VAC14: variants seen among roughly 807,000 people sequenced by gnomAD.
VAC14 encodes the protein VAC14 component of PIKFYVE complex, also known as protein VAC14 homolog.
VAC14 carries 47 observed loss-of-function variants against 85.3 expected under a neutral mutation model. The observed-to-expected ratio is 0.55, with a 90% CI of 0.44 to 0.70. The LOEUF (loss-of-function observed/expected upper bound fraction) is 0.70, where lower values mean the gene tolerates loss of function less well. Ranked by LOEUF, VAC14 falls within the 30% of genes least tolerant of loss-of-function variation. VAC14 has a pLI of 0.00. For missense variants in VAC14, 861 were observed against 1,004.3 expected (o/e 0.86, Z 1.93); for synonymous variants, 447 against 430.5 (o/e 1.04, Z -0.47).
chr16:70,788,694 G>A (rs1003500218), intron 1 of VAC14, among the ~76,000 whole-genome samples: 4 of 152,242 alleles, frequency 2.6e-5, no homozygotes, highest in South Asian at 2.1e-4. Context: ...AACAGCTGGA[G>A]CATTGGTGGT....
intron 17 of VAC14, among the ~76,000 whole-genome samples, chr16:70,695,155 A>G (rs2053680573): frequency 6.9e-6 from 1 of 144,776 alleles, no homozygotes; most frequent in African/African-American, 2.6e-5. Context: ...TCTGTCACCC[A>G]GGCTGGAGTG....
chr16:70,771,998 C>T, intron 10 of VAC14, 111 bp downstream of exon 10: 3 of 971,054 alleles, frequency 3.1e-6, no homozygotes, highest in Non-Finnish European at 4.8e-6. Context: ...GTCCCAAAAG[C>T]AGCAGCCGCG....
chr16:70,692,469 C>A (rs759115139), intron 18 of VAC14, among the ~76,000 whole-genome samples: 11 of 152,260 alleles, frequency 7.2e-5, no homozygotes, highest in Admixed American at 2.6e-4. Context: ...AGGAACTCCT[C>A]CCCCTGCCCG....
intron 12 of VAC14, among the ~76,000 whole-genome samples, chr16:70,761,848 C>A (rs777978296): frequency 5.9e-5 from 9 of 152,222 alleles, no homozygotes; most frequent in Non-Finnish European, 1.2e-4. Context: ...GCTAACTGAG[C>A]GTGCAGCAGG....
At chr16:70,764,823 C>A (rs1416782919) in intron 10 of VAC14, among the ~76,000 whole-genome samples, 1 of 152,238 alleles carries the variant, frequency 6.6e-6, no homozygotes, top group East Asian at 1.9e-4. Flanking sequence ...CGGAGGCCCA[C>A]ACAACAGTCC....
intron 17 of VAC14, among the ~76,000 whole-genome samples, chr16:70,693,489 T>TAC (rs1375287348): frequency 6.6e-6 from 1 of 152,216 alleles, no homozygotes; most frequent in Non-Finnish European, 1.5e-5. Flanking sequence ...AACGCCTTTG[T>TAC]GTGTAGCGAG....
intron 1 of VAC14, among the ~76,000 whole-genome samples, chr16:70,796,742 T>C (rs2034562096): frequency 1.3e-5 from 2 of 152,216 alleles, no homozygotes; most frequent in South Asian, 2.1e-4. Context: ...CAGCACTTTA[T>C]ATACGTGCAC....
At chr16:70,733,617 T>C (rs1201361522) in intron 13 of VAC14, among the ~76,000 whole-genome samples, 1 of 152,006 alleles carries the variant, frequency 6.6e-6, no homozygotes, top group East Asian at 1.9e-4. Flanking sequence ...TCTGGCTGTT[T>C]AAAAGCGTGG....
intron 1 of VAC14, among the ~76,000 whole-genome samples, chr16:70,797,056 C>G (rs1051513293): frequency 1.3e-5 from 2 of 152,150 alleles, no homozygotes; most frequent in Admixed American, 6.5e-5. Flanking sequence ...AGTGAGACCC[C>G]CATCTCTATA....
chr16:70,788,219 C>T (rs182233979), intron 1 of VAC14, among the ~76,000 whole-genome samples: 1 of 152,230 alleles, frequency 6.6e-6, no homozygotes, highest in African/African-American at 2.4e-5. Context: ...CGGTGCTGTC[C>T]TGTGAGACAG....
At chr16:70,731,250 C>T (rs1435745828) in intron 14 of VAC14, 2 of 1,253,990 alleles carry the variant, frequency 1.6e-6, no homozygotes, top group East Asian at 3.3e-5. Context: ...AAGATAGTAA[C>T]TCAGGAAGCA....
At chr16:70,761,005 G>GTA in intron 12 of VAC14, 1 of 339,508 alleles carries the variant, frequency 2.9e-6, no homozygotes, top group East Asian at 8.4e-5. Flanking sequence ...GTGTGTGTGT[G>GTA]TGTGTGTGTG....
chr16:70,797,186 A>G (rs577114740), intron 1 of VAC14, among the ~76,000 whole-genome samples: 1 of 152,120 alleles, frequency 6.6e-6, no homozygotes, highest in Non-Finnish European at 1.5e-5. Context: ...GGGAAAATCC[A>G]TTTTCTTGCC....
chr16:70,788,722 G>A (rs982846117), intron 1 of VAC14, among the ~76,000 whole-genome samples: 4 of 152,228 alleles, frequency 2.6e-5, no homozygotes, highest in African/African-American at 4.8e-5. Flanking sequence ...TAGAATTCTC[G>A]CCTGCCATGC....
At chr16:70,768,976 T>C (rs980078354) in intron 10 of VAC14, 2 of 285,312 alleles carry the variant, frequency 7.0e-6, no homozygotes, top group African/African-American at 4.7e-5. Context: ...ATTTTTTTTT[T>C]TTTTTTAATT....
chr16:70,795,899 T>G (rs1346688061), intron 1 of VAC14, among the ~76,000 whole-genome samples: 2 of 152,240 alleles, frequency 1.3e-5, no homozygotes, highest in South Asian at 2.1e-4. Flanking sequence ...AGTGAGACAG[T>G]GGGGGCCCTG....
chr16:70,793,450 G>A (rs1473485645), intron 1 of VAC14, among the ~76,000 whole-genome samples: 2 of 152,234 alleles, frequency 1.3e-5, no homozygotes, highest in Non-Finnish European at 2.9e-5. Context: ...CATGCAAGTT[G>A]TAGATGATGG....
intron 12 of VAC14, among the ~76,000 whole-genome samples, chr16:70,758,053 T>A (rs920436484): frequency 2.0e-5 from 3 of 152,008 alleles, no homozygotes; most frequent in African/African-American, 7.3e-5. Flanking sequence ...CAGAATCACA[T>A]CAAAATTACA....
In VAC14 at chr16:70,703,343, T is replaced by G. The variant is rs201558852; in HGVS notation, c.1662-4532A>C. On this transcript the variant is annotated intron_variant, in intron 14 of 18. Transcript: ENST00000261776. ...CAGAGAGCTGGGGTGGGAGGGAACC[T>G]GAACAGGGTCTGGGAGGGCATAGGG... Among the ~76,000 whole-genome samples the G allele has an allele frequency of 5.9e-5, 9 of 151,746 alleles. No homozygotes were observed. The East Asian group carries it at 1.7e-3, about 29-fold the overall frequency.
Sources: gnomAD v4.1 joint callset for allele counts (sites outside exome capture counted in the v4.1 genomes callset) on GRCh38, gnomAD v4.1.1 for gene constraint, MANE v1.5 for transcripts, NCBI Gene and HGNC (gene_info 2026-07-23, HGNC 2026-07-21) for gene names.